The following DSC2 variants were observed in gnomAD, a reference collection of about 807,000 sequenced individuals.
The protein encoded by DSC2 is desmocollin-2.
Under a neutral mutation model 87.6 loss-of-function variants are expected in DSC2, and 51 were observed. That is an observed-to-expected ratio of 0.58 (90% CI 0.46 to 0.74). The LOEUF is 0.74. Ranked by LOEUF, DSC2 falls within the 30% of genes least tolerant of loss-of-function variation. The pLI is 0.00. For synonymous variants in DSC2, 383 were observed against 393.2 expected (o/e 0.97, Z 0.31); for missense variants, 1,066 against 1,089.5 (o/e 0.98, Z 0.30).
chr18:31,101,725 T>A, intron 1 of DSC2, 178 bp downstream of exon 1: 1 of 639,012 alleles, frequency 1.6e-6, no homozygotes, highest in East Asian at 3.1e-5. Flanking sequence ...AACTCTCAGG[T>A]CGCGATCCTC....
chr18:31,086,834 C>A, intron 6 of DSC2, 92 bp from the exon 7 acceptor site: 1 of 1,402,982 alleles, frequency 7.1e-7, no homozygotes, highest in South Asian at 1.2e-5. Flanking sequence ...CAAAAAAGTT[C>A]TGGACCACAT....
At chr18:31,068,686 AT>A (rs1455714036) in intron 15 of DSC2, among the ~76,000 whole-genome samples, 1 of 152,198 alleles carries the variant, frequency 6.6e-6, no homozygotes, top group East Asian at 1.9e-4. Flanking sequence ...TTATTTAGTA[AT>A]TCTTTCAATT....
intron 1 of DSC2, among the ~76,000 whole-genome samples, chr18:31,094,176 G>A (rs1352433503): frequency 3.9e-5 from 6 of 152,126 alleles, no homozygotes; most frequent in Non-Finnish European, 8.8e-5. Context: ...ATAGGAAAGA[G>A]AAAACCAAAT....
Position 31,068,910 on chromosome 18 carries a change from T to C in DSC2, c.2492A>G (p.Gln831Arg), listed in dbSNP as rs1986721425. 1.2e-6 allele frequency: 2 copies of C among 1,613,720 alleles called. No individual in the cohort carries two copies. The highest frequency in any genetic ancestry group is 1.7e-6 in the Non-Finnish European group (2 of 1,180,016). The part of the protein sequence containing the change: ...YTYSEWHSFT[Q>R]PRLGEKVYLC... Reference sequence around the variant, plus strand: ...AAAACTCACTTCACCAAGACGGGGCTGAGTAAAACTGTGCCACTCCGAGTA... The same window carrying C: ...AAAACTCACTTCACCAAGACGGGGCCGAGTAAAACTGTGCCACTCCGAGTA... The change falls in exon 15 of 16, where the codon CAG becomes CGG. Residue 831 changes from glutamine to arginine, a missense_variant. Transcript: ENST00000280904.
Position 31,070,776 on chromosome 18 carries a change from G to A in DSC2, c.2200C>T (p.Gln734Ter), listed in dbSNP as rs769022411. 1.9e-6 allele frequency: 3 copies of A among 1,613,904 alleles called. No individual in the cohort carries two copies. Among genetic ancestry groups the A allele is most frequent in the East Asian group, 2.2e-5 (1 of 44,844 alleles). Residue 734 changes from glutamine to a stop codon, truncating the protein, a stop_gained, in exon 14 of 16, where the codon CAG (glutamine) becomes TAG (stop). Coordinates refer to ENST00000280904, the MANE Select transcript of DSC2 (RefSeq NM_024422.6). LOFTEE classifies it high-confidence loss of function. Reference sequence around the variant, plus strand: ...GTGTTTGATACAATTAGGTTCTGCTGGGCTAAATCATCAGGAATTACTTTT... The same window carrying A: ...GTGTTTGATACAATTAGGTTCTGCTAGGCTAAATCATCAGGAATTACTTTT... ...QPKVIPDDLAQQNLIVSNTEA... is the reference protein window; with the variant it reads ...QPKVIPDDLA
chr18:31,071,302 T>G (rs1986819271), intron 13 of DSC2, among the ~76,000 whole-genome samples: 4 of 152,040 alleles, frequency 2.6e-5, no homozygotes. Flanking sequence ...ATCCCAGCAC[T>G]TTGAGAGGCC....
In DSC2 at chr18:31,074,893, T is replaced by A; in HGVS notation, c.1678A>T (p.Thr560Ser). 1 of 1,613,780 alleles carries A rather than the reference T, an allele frequency of 6.2e-7. No individual in the cohort carries two copies. The change falls in exon 12 of 16, where the codon ACG becomes TCG. Residue 560 changes from threonine to serine, a missense_variant. Coordinates refer to ENST00000280904, the MANE Select transcript of DSC2 (RefSeq NM_024422.6). Reference sequence around the variant, plus strand: ...TGAAGTATAATGCCCAGTGTCCCCGTACATGTTCTCCCTCCTAGAAAAATG... The same window carrying A: ...TGAAGTATAATGCCCAGTGTCCCCGAACATGTTCTCCCTCCTAGAAAAATG... ...LASDQGGRTC[T>S]GTLGIILQDV...
Position 31,064,698 on chromosome 18 carries a change from A to G in DSC2, c.*3317T>C, listed in dbSNP as rs2144772897. The G allele has an allele frequency of 6.6e-6, 1 of 152,306 alleles. No homozygotes were observed. Among genetic ancestry groups the G allele is most frequent in the East Asian group, 1.9e-4 (1 of 5,172 alleles). 9.4% of individuals were successfully genotyped at this position (152,306 alleles called of 1,614,324 possible). ...AGAGCTGTAGGTTTATACGGATATC[A>G]GGTAACTTCTTAGGGCTTTGAATAT... On this transcript the variant is annotated 3_prime_UTR_variant, in exon 16 of 16. Coordinates refer to ENST00000280904, the MANE Select transcript of DSC2 (RefSeq NM_024422.6).
chr18:31,082,120 C>T (rs1987239568), intron 9 of DSC2, 118 bp downstream of exon 9: 2 of 892,982 alleles, frequency 2.2e-6, no homozygotes, highest in Non-Finnish European at 3.4e-6. Context: ...AGAGCATTTG[C>T]ATTTACTTAT....
At chr18:31,098,300 T>C (rs1987827388) in intron 1 of DSC2, among the ~76,000 whole-genome samples, 1 of 152,166 alleles carries the variant, frequency 6.6e-6, no homozygotes, top group Non-Finnish European at 1.5e-5. Flanking sequence ...AAATCTTTCA[T>C]CTCTGGAATT....
At chr18:31,094,214 C>A (rs573846182) in intron 1 of DSC2, among the ~76,000 whole-genome samples, 1 of 152,300 alleles carries the variant, frequency 6.6e-6, no homozygotes, top group African/African-American at 2.4e-5. Flanking sequence ...TGTTTCAGTA[C>A]ATTTTTAATT....
rs1313470969 is a variant in DSC2, at chr18:31,060,209, TG to T, written c.*7805del. The T allele has an allele frequency of 2.0e-5, 3 of 152,228 alleles. No individual in the cohort carries two copies. Among genetic ancestry groups the T allele is most frequent in the African/African-American group, 7.2e-5 (3 of 41,464 alleles). The allele number at this position is 152,228 out of a possible 1,614,324, so 9.4% of individuals were successfully genotyped here. On this transcript the variant is annotated 3_prime_UTR_variant, in exon 16 of 16. Coordinates refer to ENST00000280904, the MANE Select transcript of DSC2 (RefSeq NM_024422.6). ...TGCCACTGAGACAAACATCCTTGCA[TG>T]TGAGTAGAATCTTTACACTATTCTC...
chr18:31,074,977 C>A (rs1170718688), intron 11 of DSC2, 70 bp from the exon 12 acceptor site: 26 of 1,458,542 alleles, frequency 1.8e-5, no homozygotes, highest in Non-Finnish European at 2.4e-5. Context: ...GCACTGAACA[C>A]ATTGAAAAAT....
chr18:31,085,792 G>T (rs1441108247), intron 7 of DSC2, among the ~76,000 whole-genome samples: 3 of 151,996 alleles, frequency 2.0e-5, no homozygotes, highest in Non-Finnish European at 2.9e-5. Context: ...TATAAATATA[G>T]TAAATAAGGA....
rs1190333514 is a variant in DSC2, at chr18:31,062,123, T to G, written c.*5892A>C. The stretch of plus-strand genomic sequence containing the variant: ...CATTTCTTTCCCTATTCTCTACTTC[T>G]TGTGTGAAGATTTTCTTCTCTCAGG... On this transcript the variant is annotated 3_prime_UTR_variant, in exon 16 of 16. Coordinates refer to ENST00000280904, the MANE Select transcript of DSC2 (RefSeq NM_024422.6). 1 of 152,232 alleles carries G rather than the reference T, an allele frequency of 6.6e-6. No homozygotes were observed. Among genetic ancestry groups the G allele is most frequent in the Non-Finnish European group, 1.5e-5 (1 of 68,050 alleles). 9.4% of individuals were successfully genotyped at this position (152,232 alleles called of 1,614,324 possible).
At chr18:31,068,435 G>T in intron 15 of DSC2, 1 of 1,325,628 alleles carries the variant, frequency 7.5e-7, no homozygotes, top group Admixed American at 1.7e-5. Context: ...GCATGTGGCA[G>T]CAAGTATACA....
chr18:31,074,670 C>G lies in DSC2; in HGVS notation c.1888+13G>C. 1 of 1,611,574 alleles carries G rather than the reference C, an allele frequency of 6.2e-7. No individual in the cohort carries two copies. Among genetic ancestry groups the G allele is most frequent in the Non-Finnish European group, 8.5e-7 (1 of 1,178,678 alleles). ...ATGTTGAAAAGGACAAAGCAATTTT[C>G]AAAAATATATACCATTAATTGCTTT... On this transcript the variant is annotated intron_variant, in intron 12 of 15. Coordinates refer to ENST00000280904, the MANE Select transcript of DSC2 (RefSeq NM_024422.6).
At position 31,065,901 on chromosome 18, in the gene DSC2, GA is replaced by G. The variant is rs924654528; in HGVS notation, c.*2113del. On this transcript the variant is annotated 3_prime_UTR_variant, in exon 16 of 16. Transcript: ENST00000280904. ...ATTATGAAGAGACATGTTCTACAGT[GA>G]AAAGAAAAATCTTTTCAGTATCTTA... 6.6e-6 allele frequency: 1 copy of G among 152,128 alleles called. No homozygotes were observed. The highest frequency in any genetic ancestry group is 2.4e-5 in the African/African-American group (1 of 41,430). The allele number at this position is 152,128 out of a possible 1,614,324, so 9.4% of individuals were successfully genotyped here.
Position 31,065,138 on chromosome 18 carries a change from A to G in DSC2, c.*2877T>C, listed in dbSNP as rs1217186767. 6.6e-6 allele frequency: 1 copy of G among 152,202 alleles called. No individual in the cohort carries two copies. The highest frequency in any genetic ancestry group is 3.2e-3 in the Middle Eastern group (1 of 316). The allele number at this position is 152,202 out of a possible 1,614,324, so 9.4% of individuals were successfully genotyped here. A position where few individuals can be genotyped will look rare whatever the true frequency, so the allele number is the denominator to read the frequency against. On this transcript the variant is annotated 3_prime_UTR_variant, in exon 16 of 16. Coordinates refer to ENST00000280904, the MANE Select transcript of DSC2 (RefSeq NM_024422.6). ...CACACTGACTTCTGGCTAGGGATGA[A>G]TAAGATGTAACTTGCTGAATACCAC...
Sources: gnomAD v4.1 joint callset for allele counts (sites outside exome capture counted in the v4.1 genomes callset) on GRCh38, gnomAD v4.1.1 for gene constraint, MANE v1.5 for transcripts, NCBI Gene and HGNC (gene_info 2026-07-23, HGNC 2026-07-21) for gene names.